Variants in ISM1 observed in about 807,000 individuals in gnomAD.
ISM1 encodes isthmin-1.
In ISM1, 25 loss-of-function variants were observed where a neutral mutation model predicts 46.3. The observed-to-expected ratio is 0.54, with a 90% CI of 0.39 to 0.75. The LOEUF (loss-of-function observed/expected upper bound fraction) is 0.75. Among genes scored for constraint, ISM1 ranks in the 30% least tolerant of loss-of-function variants. The pLI is 0.00. For synonymous variants in ISM1, 255 were observed against 256.7 expected (o/e 0.99, Z 0.06); for missense variants, 536 against 625.4 (o/e 0.86, Z 1.52).
intron 1 of ISM1, among the ~76,000 whole-genome samples, chr20:13,228,633 A>G (rs2039555182): frequency 6.6e-6 from 1 of 152,068 alleles, no homozygotes; most frequent in Admixed American, 6.6e-5. Flanking sequence ...TCAGGGCTTT[A>G]GCTGTTAGTC....
At chr20:13,277,336 T>C (rs1409966837) in intron 2 of ISM1, among the ~76,000 whole-genome samples, 1 of 152,206 alleles carries the variant, frequency 6.6e-6, no homozygotes, top group Admixed American at 6.5e-5. Context: ...ACCATAATTG[T>C]GGGCTTGCCT....
chr20:13,282,624 A>G (rs1163032293), intron 3 of ISM1, among the ~76,000 whole-genome samples: 4 of 152,152 alleles, frequency 2.6e-5, no homozygotes, highest in Admixed American at 6.5e-5. Flanking sequence ...TGGGCCATGG[A>G]GAAGCTCCAT....
At chr20:13,292,021 G>A (rs2040358210) in intron 4 of ISM1, among the ~76,000 whole-genome samples, 1 of 152,130 alleles carries the variant, frequency 6.6e-6, no homozygotes, top group Non-Finnish European at 1.5e-5. Context: ...TTAAGAACAA[G>A]ATATTAAACA....
the ISM1 span, among the ~76,000 whole-genome samples, chr20:13,318,123 G>A: frequency 3.2e-5 from 1 of 31,738 alleles, no homozygotes; most frequent in African/African-American, 1.0e-4. Flanking sequence ...AAATGTTTCT[G>A]AGGACACTTG....
chr20:13,292,231 CCT>C (rs926152747), intron 4 of ISM1, 141 bp from the exon 5 acceptor site: 2 of 612,886 alleles, frequency 3.3e-6, no homozygotes, highest in Non-Finnish European at 2.9e-6. Flanking sequence ...TTTACTGTTT[CCT>C]CTGTTGGCAA....
intron 1 of ISM1, among the ~76,000 whole-genome samples, chr20:13,250,302 G>A (rs1350486538): frequency 3.3e-5 from 5 of 152,206 alleles, no homozygotes; most frequent in Admixed American, 1.3e-4. Context: ...TAGCTTTCAA[G>A]GATGTGGCTG....
Position 13,270,626 on chromosome 20 carries a change from A to G in ISM1, c.261A>G (p.Arg87=). The change falls in exon 2 of 6, where the codon CGA becomes CGG. Residue 87 remains arginine (R), a synonymous_variant. Transcript: ENST00000262487. The part of the protein sequence containing the change: ...AHQPFPRPRF[R]QETGHPSLQR... ...AACCCTTCCCCAGACCGCGATTCCG[A>G]CAAGAGACGGGGCACCCTTCATTGC... 1 of 1,613,986 alleles carries G rather than the reference A, an allele frequency of 6.2e-7. No individual in the cohort carries two copies. The highest frequency in any genetic ancestry group is 1.1e-5 in the South Asian group (1 of 91,060).
At chr20:13,272,363 C>T (rs2040125406) in intron 2 of ISM1, among the ~76,000 whole-genome samples, 1 of 152,150 alleles carries the variant, frequency 6.6e-6, no homozygotes, top group Non-Finnish European at 1.5e-5. Context: ...TACCAACCCC[C>T]GCTGTATATA....
the ISM1 span, among the ~76,000 whole-genome samples, chr20:13,325,190 T>C: frequency 2.0e-5 from 3 of 152,000 alleles, no homozygotes. Context: ...GGCCCTGGAG[T>C]GTCTCCCTTC....
At chr20:13,280,961 G>A (rs1490576207) in intron 3 of ISM1, among the ~76,000 whole-genome samples, 1 of 152,198 alleles carries the variant, frequency 6.6e-6, no homozygotes, top group Non-Finnish European at 1.5e-5. Flanking sequence ...AGCAGTATAT[G>A]AAGGGGATGA....
At chr20:13,306,564 C>CAA in the ISM1 span, among the ~76,000 whole-genome samples, 10,453 of 63,674 alleles carry the variant, frequency 0.16, 1,099 homozygotes, top group East Asian at 0.35. Flanking sequence ...GGAGAAAGGA[C>CAA]AAAAAAAAAA....
At chr20:13,241,430 A>T (rs527910356) in intron 1 of ISM1, among the ~76,000 whole-genome samples, 1 of 152,288 alleles carries the variant, frequency 6.6e-6, no homozygotes, top group Non-Finnish European at 1.5e-5. Flanking sequence ...ATGATGCAAA[A>T]CTGAGAGAGG....
At chr20:13,323,300 G>T in the ISM1 span, among the ~76,000 whole-genome samples, 1 of 152,170 alleles carries the variant, frequency 6.6e-6, no homozygotes, top group East Asian at 1.9e-4. Context: ...TGGTCCAAAG[G>T]AAGGGAGGTC....
At chr20:13,298,489 G>A (rs1053622052) in intron 5 of ISM1, among the ~76,000 whole-genome samples, 6 of 152,082 alleles carry the variant, frequency 3.9e-5, no homozygotes, top group African/African-American at 7.2e-5. Flanking sequence ...ATCGGATCAC[G>A]GTTATCTAGG....
rs2039871617 is a variant in ISM1 at position 13,251,855 on chromosome 20, G to A, written c.139-18649G>A. Among the ~76,000 whole-genome samples, 5 of 152,156 alleles carry A rather than the reference G, an allele frequency of 3.3e-5. No homozygotes were observed. The South Asian group carries it at 1.0e-3, about 31-fold the overall frequency. ...CTTAGAACTTGGAGCCGAACTCTTA[G>A]TAACTGAATACCCAGGACTCTGGTT... On this transcript the variant is annotated intron_variant, in intron 1 of 5. Coordinates refer to ENST00000262487, the MANE Select transcript of ISM1 (RefSeq NM_080826.2).
chr20:13,229,842 C>T (rs2039568839), intron 1 of ISM1, among the ~76,000 whole-genome samples: 2 of 152,168 alleles, frequency 1.3e-5, no homozygotes, highest in African/African-American at 2.4e-5. Flanking sequence ...CCCTCTCTCT[C>T]TTCTGTTGGC....
Position 13,255,410 on chromosome 20 carries a change from T to A in ISM1, c.139-15094T>A, listed in dbSNP as rs1008104300. On this transcript the variant is annotated intron_variant, in intron 1 of 5. Transcript: ENST00000262487. ...TGTGTGTGTGTTTTTAGCCAGAAACTGGACAAAAATAAGTAAATGTCTAAT... is the reference window on the plus strand; with the variant it reads ...TGTGTGTGTGTTTTTAGCCAGAAACAGGACAAAAATAAGTAAATGTCTAAT... Among the ~76,000 whole-genome samples, 6 of 152,042 alleles carry A rather than the reference T, an allele frequency of 3.9e-5. No individual in the cohort carries two copies. The East Asian group carries it at 1.2e-3, about 29-fold the overall frequency.
At chr20:13,267,609 G>A (rs1452481573) in intron 1 of ISM1, among the ~76,000 whole-genome samples, 1 of 152,332 alleles carries the variant, frequency 6.6e-6, no homozygotes, top group East Asian at 1.9e-4. Context: ...GGCTAAGCCA[G>A]AAGCACTCTG....
chr20:13,289,671 G>A (rs1000420660), intron 4 of ISM1, among the ~76,000 whole-genome samples: 2 of 96,644 alleles, frequency 2.1e-5, no homozygotes, highest in East Asian at 2.6e-4. Flanking sequence ...GGAGGAGGAG[G>A]AGGGGGAGGA....
Sources: gnomAD v4.1 joint callset for allele counts (sites outside exome capture counted in the v4.1 genomes callset) on GRCh38, gnomAD v4.1.1 for gene constraint, MANE v1.5 for transcripts, NCBI Gene and HGNC (gene_info 2026-07-23, HGNC 2026-07-21) for gene names.